BCL9: variants seen among roughly 807,000 people sequenced by gnomAD.
The protein encoded by BCL9 is BCL9 transcription coactivator, also known as B-cell CLL/lymphoma 9 protein.
In BCL9, 25 loss-of-function variants were observed where a neutral mutation model predicts 88.5. The ratio of observed to expected loss-of-function variants is 0.28; its 90% CI spans 0.21 to 0.39. The LOEUF is 0.39. Ranked by LOEUF, BCL9 falls within the 10% of genes least tolerant of loss-of-function variation. The probability of loss-of-function intolerance (pLI) is 1.00; values close to 1 mark genes in which losing one functional copy is unlikely to be tolerated. For missense variants in BCL9, 1,817 were observed against 1,877.8 expected, an observed-to-expected ratio of 0.97 and a Z score of 0.60; for synonymous variants, 711 against 673.3, an observed-to-expected ratio of 1.06 and a Z score of -0.87.
chr1:147,582,317 C>A (rs1191826831), intron 1 of BCL9, among the ~76,000 whole-genome samples: 2 of 152,206 alleles, frequency 1.3e-5, no homozygotes, highest in African/African-American at 2.4e-5. Context: ...GTATAAATTT[C>A]TGTCCAAGTT....
At chr1:147,622,619 A>G in intron 9 of BCL9, 88 bp downstream of exon 9, 3 of 1,503,508 alleles carry the variant, frequency 2.0e-6, no homozygotes, top group Non-Finnish European at 2.7e-6. Context: ...ATACACCTGA[A>G]TAGGTGGAAG....
chr1:147,615,971 G>A, intron 7 of BCL9, 69 bp downstream of exon 7: 1 of 1,427,594 alleles, frequency 7.0e-7, no homozygotes, highest in South Asian at 1.2e-5. Flanking sequence ...AGGAGGTGGT[G>A]AATTTAATTG....
In BCL9 at chr1:147,620,335, G is replaced by T; in HGVS notation, c.2180G>T (p.Gly727Val). The T allele has an allele frequency of 2.5e-6, 4 of 1,614,208 alleles. No individual in the cohort carries two copies. The highest frequency in any genetic ancestry group is 2.5e-6 in the Non-Finnish European group (3 of 1,180,034). ...GATGTCAATCTAAATGTCAACATGG[G>T]ATCCAACTCTCAGATGATACCTCAG... is the stretch of plus-strand genomic sequence containing the variant. ...KGDVNLNVNM[G>V]SNSQMIPQKM... Residue 727 changes from glycine to valine, a missense_variant, in exon 8 of 10, where the codon GGA becomes GTA. Physicochemically the swap from Gly to Val is moderately radical, Grantham distance 109. Around this residue, in one of 2 missense-constraint regions of BCL9, gnomAD observed 1,228 missense variants for 1,191.6 expected, o/e 1.03. Coordinates refer to ENST00000234739, the MANE Select transcript of BCL9 (RefSeq NM_004326.4).
At chr1:147,599,953 G>T (rs1402160120) in intron 1 of BCL9, among the ~76,000 whole-genome samples, 1 of 151,454 alleles carries the variant, frequency 6.6e-6, no homozygotes, top group East Asian at 2.0e-4. Flanking sequence ...GCTGGTCGCG[G>T]GGCCGGACGC....
At chr1:147,605,742 T>C (rs1657667098) in intron 2 of BCL9, among the ~76,000 whole-genome samples, 1 of 152,206 alleles carries the variant, frequency 6.6e-6, no homozygotes, top group Admixed American at 6.5e-5. Context: ...TAGTAGTCGG[T>C]ATGCCAGAAG....
chr1:147,578,917 G>C (rs1656229422), intron 1 of BCL9, among the ~76,000 whole-genome samples: 1 of 151,840 alleles, frequency 6.6e-6, no homozygotes, highest in Non-Finnish European at 1.5e-5. Flanking sequence ...CCAGGCTGGA[G>C]TGCAATGGCA....
Position 147,624,745 on chromosome 1 carries a change from G to A in BCL9, c.4067G>A (p.Gly1356Asp). ...TLMSNPAAAV[G>D]MIPGKDRGPA... ...ATGAGCAATCCAGCTGCTGCCGTGG[G>A]CATGATTCCTGGCAAGGATCGGGGG... The change falls in exon 10 of 10, where the codon GGC becomes GAC. Residue 1356 changes from glycine (G) to aspartate (D), a missense_variant. By Grantham distance (94) the Gly-to-Asp change is moderately conservative. This residue lies in a region of BCL9 where 589 missense variants were observed against 686.2 expected (regional missense o/e 0.86). Transcript: ENST00000234739. This position sits in a 1 kb window ranked among gnomAD's most constrained non-coding sequence, Gnocchi z 4.4. 1 of 1,614,148 alleles carries A rather than the reference G, an allele frequency of 6.2e-7. No homozygotes were observed. Among genetic ancestry groups the A allele is most frequent in the African/African-American group, 1.3e-5 (1 of 75,042 alleles).
chr1:147,545,855 T>C (rs1049427375), intron 1 of BCL9, among the ~76,000 whole-genome samples: 1 of 152,222 alleles, frequency 6.6e-6, no homozygotes, highest in Non-Finnish European at 1.5e-5. Flanking sequence ...TAAACAGTAT[T>C]GTTATCCTTC....
rs587666315 is a variant in BCL9, at chr1:147,546,245, G to A, written c.-478+4571G>A. ...CCCAGCTACTCCGGAGGCTGAGGCAGGAGAATGGTGTGAACCCAGGAGGAG... is the reference window on the plus strand; with the variant it reads ...CCCAGCTACTCCGGAGGCTGAGGCAAGAGAATGGTGTGAACCCAGGAGGAG... On this transcript the variant is annotated intron_variant, in intron 1 of 9. Transcript: ENST00000234739. Among the ~76,000 whole-genome samples the A allele has an allele frequency of 1.1e-4, 16 of 152,114 alleles. No homozygotes were observed. The East Asian group carries it at 3.1e-3, about 29-fold the overall frequency.
chr1:147,622,888 T>C (rs980747090), intron 9 of BCL9, among the ~76,000 whole-genome samples: 2 of 152,154 alleles, frequency 1.3e-5, no homozygotes, highest in Non-Finnish European at 2.9e-5. Flanking sequence ...CCTCAAGTTT[T>C]TTTTTCTGGA....
At chr1:147,554,244 C>CT in intron 1 of BCL9, among the ~76,000 whole-genome samples, 1 of 152,226 alleles carries the variant, frequency 6.6e-6, no homozygotes, top group East Asian at 1.9e-4. Context: ...GCATTGGGTC[C>CT]TTTCATTTCA....
At position 147,620,289 on chromosome 1, in the gene BCL9, G is replaced by C; in HGVS notation, c.2134G>C (p.Val712Leu). 1 of 1,614,234 alleles carries C rather than the reference G, an allele frequency of 6.2e-7. No homozygotes were observed. Among genetic ancestry groups the C allele is most frequent in the African/African-American group, 1.3e-5 (1 of 75,070 alleles). Residue 712 changes from valine to leucine, a missense_variant, in exon 8 of 10, where the codon GTT (valine) becomes CTT (leucine). Val to Leu is a conservative substitution (Grantham distance 32, BLOSUM62 1). Coordinates refer to ENST00000234739, the MANE Select transcript of BCL9 (RefSeq NM_004326.4). ...GPGRELEFGM[V>L]PSGMKGDVNL... Reference sequence around the variant, plus strand: ...TGGTCGGGAACTTGAGTTTGGGATGGTTCCTAGTGGGATGAAGGGAGATGT... The same window carrying C: ...TGGTCGGGAACTTGAGTTTGGGATGCTTCCTAGTGGGATGAAGGGAGATGT...
At chr1:147,542,453 G>A (rs782102214) in intron 1 of BCL9, among the ~76,000 whole-genome samples, 9 of 152,234 alleles carry the variant, frequency 5.9e-5, no homozygotes, top group Non-Finnish European at 1.3e-4. Context: ...GAGCGAAACA[G>A]AACAGATCAC....
chr1:147,586,759 C>G (rs1442941108), intron 1 of BCL9, among the ~76,000 whole-genome samples: 3 of 152,156 alleles, frequency 2.0e-5, no homozygotes, highest in African/African-American at 7.2e-5. Context: ...GCTCTCAGCC[C>G]CCTCTCCACC....
intron 1 of BCL9, among the ~76,000 whole-genome samples, chr1:147,556,295 T>TG (rs1360224871): frequency 6.6e-6 from 1 of 150,518 alleles, no homozygotes. Flanking sequence ...TTTTTTTTTT[T>TG]TGTATCTTTT....
intron 1 of BCL9, among the ~76,000 whole-genome samples, chr1:147,569,493 G>GAAAAA (rs1486418934): frequency 0.01 from 1,410 of 140,208 alleles, 22 homozygotes; most frequent in East Asian, 0.052. Flanking sequence ...AAAAAAGAAA[G>GAAAAA]AAAAAAATCA....
intron 1 of BCL9, among the ~76,000 whole-genome samples, chr1:147,559,774 C>T (rs906152287): frequency 1.3e-5 from 2 of 152,266 alleles, no homozygotes; most frequent in Admixed American, 6.5e-5. Flanking sequence ...TCTCTAAGGA[C>T]GGTACTCACA....
chr1:147,565,682 C>T (rs1043684312), intron 1 of BCL9, among the ~76,000 whole-genome samples: 15 of 152,198 alleles, frequency 9.9e-5, no homozygotes, highest in Non-Finnish European at 1.3e-4. Context: ...TACACACTCA[C>T]TTAAATTATG....
intron 1 of BCL9, among the ~76,000 whole-genome samples, chr1:147,561,290 A>G (rs1234837361): frequency 1.1e-4 from 16 of 152,220 alleles, no homozygotes; most frequent in Admixed American, 9.8e-4. Context: ...GGATTGAAGG[A>G]CCATGGATAG....
Sources: allele counts gnomAD v4.1 joint callset (sites outside exome capture counted in the v4.1 genomes callset), GRCh38; gene constraint gnomAD v4.1.1; regional missense constraint gnomAD v4.1.1; non-coding constraint Gnocchi (gnomAD v3.1); transcripts MANE v1.5; gene names NCBI Gene and HGNC (gene_info 2026-07-23, HGNC 2026-07-21).